RBFOX1: variants seen among roughly 807,000 people sequenced by gnomAD.
RBFOX1 encodes RNA binding protein fox-1 homolog 1.
In RBFOX1, 8 loss-of-function variants were observed where a neutral mutation model predicts 57.7. That is an observed-to-expected ratio of 0.14 (90% confidence interval 0.08 to 0.25). RBFOX1 has a LOEUF of 0.25. RBFOX1 is among the 10% of genes least tolerant of loss of function. RBFOX1 has a pLI of 1.00. For missense variants in RBFOX1, 611 were observed against 548.5 expected, an observed-to-expected ratio of 1.11 and a Z score of -1.14; for synonymous variants, 326 against 222.4, an observed-to-expected ratio of 1.47 and a Z score of -4.15.
At chr16:7,078,433 C>T (rs192391389) in intron 4 of RBFOX1, among the ~76,000 whole-genome samples, 7 of 152,214 alleles carry the variant, frequency 4.6e-5, no homozygotes, top group African/African-American at 1.7e-4. Context: ...CTGAAACCTC[C>T]GCCTCCCGGA....
intron 3 of RBFOX1, among the ~76,000 whole-genome samples, chr16:5,719,185 A>G (rs2051834153): frequency 6.7e-6 from 1 of 148,298 alleles, no homozygotes; most frequent in African/African-American, 2.5e-5. Context: ...GCTGCCACCC[A>G]TACTTCATAT....
At chr16:5,679,997 A>G (rs1033604597) in intron 3 of RBFOX1, among the ~76,000 whole-genome samples, 2 of 152,334 alleles carry the variant, frequency 1.3e-5, no homozygotes, top group African/African-American at 2.4e-5. Flanking sequence ...GAACAAAGGA[A>G]TATCTCCCTA....
intron 1 of RBFOX1, among the ~76,000 whole-genome samples, chr16:5,313,966 G>A (rs569983866): frequency 6.6e-6 from 1 of 152,148 alleles, no homozygotes; most frequent in African/African-American, 2.4e-5. Flanking sequence ...CCTTTCTCTG[G>A]GTAAGGTTGT....
intron 3 of RBFOX1, among the ~76,000 whole-genome samples, chr16:5,773,231 A>G (rs1228119057): frequency 6.6e-6 from 1 of 152,184 alleles, no homozygotes; most frequent in Non-Finnish European, 1.5e-5. Context: ...TATTGCAATT[A>G]CTAAATGTAT....
intron 3 of RBFOX1, among the ~76,000 whole-genome samples, chr16:6,978,626 T>C (rs2087772273): frequency 6.6e-6 from 1 of 152,190 alleles, no homozygotes; most frequent in Non-Finnish European, 1.5e-5. Flanking sequence ...TTTTCTCTTG[T>C]AATCGTTTTA....
chr16:5,301,194 G>A (rs138826247), intron 1 of RBFOX1, among the ~76,000 whole-genome samples: 1 of 152,174 alleles, frequency 6.6e-6, no homozygotes, highest in Non-Finnish European at 1.5e-5. Flanking sequence ...CTATTTGCTT[G>A]TTCTAATGGA....
chr16:5,640,393 C>G (rs868231378), intron 3 of RBFOX1, among the ~76,000 whole-genome samples: 1 of 152,082 alleles, frequency 6.6e-6, no homozygotes, highest in Non-Finnish European at 1.5e-5. Flanking sequence ...TGCATGCATG[C>G]ATGCACATAT....
At chr16:5,997,640 A>G (rs909765728) in intron 4 of RBFOX1, among the ~76,000 whole-genome samples, 4 of 152,216 alleles carry the variant, frequency 2.6e-5, no homozygotes, top group African/African-American at 9.6e-5. Flanking sequence ...GAATTATGCC[A>G]AGGAAAACAA....
chr16:6,199,062 C>T (rs1377130752), intron 1 of RBFOX1, among the ~76,000 whole-genome samples: 2 of 151,842 alleles, frequency 1.3e-5, no homozygotes, highest in Non-Finnish European at 2.9e-5. Context: ...TTCTCTTCTG[C>T]AGCAAAGAAA....
At chr16:7,414,077 A>G (rs1260971748) in intron 4 of RBFOX1, among the ~76,000 whole-genome samples, 2 of 152,232 alleles carry the variant, frequency 1.3e-5, no homozygotes, top group African/African-American at 4.8e-5. Context: ...GAGTGAGATA[A>G]GAATCTGTAC....
At chr16:7,255,371 C>G (rs969384521) in intron 4 of RBFOX1, among the ~76,000 whole-genome samples, 1 of 152,158 alleles carries the variant, frequency 6.6e-6, no homozygotes, top group Admixed American at 6.5e-5. Context: ...ATAATAGTGA[C>G]TACTTGGTAA....
chr16:7,181,335 C>G (rs1442511901), intron 4 of RBFOX1, among the ~76,000 whole-genome samples: 3 of 152,252 alleles, frequency 2.0e-5, no homozygotes, highest in East Asian at 3.9e-4. Flanking sequence ...CTTCTCTGCC[C>G]TCTCCAAACC....
intron 3 of RBFOX1, among the ~76,000 whole-genome samples, chr16:7,020,900 G>A (rs1485322955): frequency 6.6e-6 from 1 of 152,094 alleles, no homozygotes; most frequent in East Asian, 1.9e-4. Flanking sequence ...GCTAAGACAG[G>A]CAAATCGCTT....
chr16:6,430,752 C>G (rs562501105), intron 2 of RBFOX1, among the ~76,000 whole-genome samples: 1 of 152,140 alleles, frequency 6.6e-6, no homozygotes, highest in South Asian at 2.1e-4. Flanking sequence ...CAACAAGGTT[C>G]TATTTGCATT....
chr16:7,011,106 A>G (rs542801887), intron 3 of RBFOX1, among the ~76,000 whole-genome samples: 51 of 152,168 alleles, frequency 3.4e-4, no homozygotes, highest in African/African-American at 1.2e-3. Context: ...GGTCACTGAA[A>G]GAAGAGAGGC....
At chr16:6,453,334 C>G (rs917881851) in intron 2 of RBFOX1, among the ~76,000 whole-genome samples, 8 of 152,078 alleles carry the variant, frequency 5.3e-5, no homozygotes, top group African/African-American at 1.9e-4. Flanking sequence ...CATTATTCAA[C>G]TCGTATTTAT....
intron 4 of RBFOX1, among the ~76,000 whole-genome samples, chr16:7,224,699 A>G (rs1270116234): frequency 2.0e-5 from 3 of 152,320 alleles, no homozygotes; most frequent in South Asian, 2.1e-4. Context: ...GGGGAGAGCA[A>G]TGAATATTCT....
At chr16:6,900,627 C>A (rs978632303) in intron 3 of RBFOX1, among the ~76,000 whole-genome samples, 1 of 152,120 alleles carries the variant, frequency 6.6e-6, no homozygotes, top group Non-Finnish European at 1.5e-5. Context: ...GATGCTATTC[C>A]CTCTGCCTGG....
chr16:5,564,545 C>T (rs182190977), intron 2 of RBFOX1, among the ~76,000 whole-genome samples: 22 of 152,176 alleles, frequency 1.4e-4, no homozygotes, highest in African/African-American at 4.8e-4. Flanking sequence ...CTTTCCCTTG[C>T]GGTCACTTAA....
Sources: allele counts gnomAD v4.1 joint callset (sites outside exome capture counted in the v4.1 genomes callset), GRCh38; gene constraint gnomAD v4.1.1; transcripts MANE v1.5; gene names NCBI Gene and HGNC (gene_info 2026-07-23, HGNC 2026-07-21).